Variants in MGAT4C observed in about 807,000 individuals in gnomAD.
The protein encoded by MGAT4C is MGAT4 family member C, also known as alpha-1,3-mannosyl-glycoprotein 4-beta-N-acetylglucosaminyltransferase C.
Under a neutral mutation model 40.1 loss-of-function variants are expected in MGAT4C, and 19 were observed. That is an observed-to-expected ratio of 0.47 (90% CI 0.33 to 0.70). The LOEUF (loss-of-function observed/expected upper bound fraction) is 0.70. Ranked by LOEUF, MGAT4C falls within the 30% of genes least tolerant of loss-of-function variation. The probability of loss-of-function intolerance (pLI) is 0.02; values close to 1 mark genes in which losing one functional copy is unlikely to be tolerated. For missense variants in MGAT4C, 491 were observed against 563.2 expected (o/e 0.87, Z 1.30); for synonymous variants, 181 against 187.1 (o/e 0.97, Z 0.27).
chr12:86,196,228 G>T (rs576869610), intron 1 of MGAT4C, among the ~76,000 whole-genome samples: 226 of 152,310 alleles, frequency 1.5e-3, no homozygotes, highest in Non-Finnish European at 2.5e-3. Context: ...GAGAGCTCTT[G>T]TCTCTTTACC....
chr12:86,827,508 A>C lies in MGAT4C; in HGVS notation c.-262+11158T>G, dbSNP rs937793416. Among the ~76,000 whole-genome samples, 3 of 151,464 alleles carry C rather than the reference A, an allele frequency of 2.0e-5. No individual in the cohort carries two copies. The Admixed American group carries it at 2.0e-4, about 10-fold the overall frequency. ...GAAAAAGTCATGAGTATACTTGTAG[A>C]TTTAGATGGAGTCGAAAATGTGACA... On this transcript the variant is annotated intron_variant, in intron 1 of 7. Coordinates refer to the MGAT4C transcript ENST00000548651.
At chr12:86,086,326 G>C (rs894972114) in intron 1 of MGAT4C, among the ~76,000 whole-genome samples, 2 of 152,024 alleles carry the variant, frequency 1.3e-5, no homozygotes, top group African/African-American at 4.8e-5. Flanking sequence ...AGTCATAAGG[G>C]AGTTGAACAG....
At chr12:85,996,100 T>C (rs545860435) in intron 2 of MGAT4C, among the ~76,000 whole-genome samples, 11 of 152,044 alleles carry the variant, frequency 7.2e-5, no homozygotes, top group Admixed American at 3.3e-4. Flanking sequence ...CCAGCAAAAA[T>C]TACCATTTAA....
intron 2 of MGAT4C, among the ~76,000 whole-genome samples, chr12:86,593,561 T>C (rs1481813246): frequency 6.6e-6 from 1 of 152,164 alleles, no homozygotes; most frequent in Non-Finnish European, 1.5e-5. Flanking sequence ...AATTTTGGTA[T>C]GATGTGACTT....
chr12:86,105,600 A>G (rs990123697), intron 1 of MGAT4C, among the ~76,000 whole-genome samples: 6 of 152,214 alleles, frequency 3.9e-5, no homozygotes, highest in African/African-American at 7.2e-5. Context: ...TACATATCAG[A>G]AAACGAATTC....
chr12:86,092,364 C>A (rs1245862498), intron 1 of MGAT4C, among the ~76,000 whole-genome samples: 1 of 151,932 alleles, frequency 6.6e-6, no homozygotes, highest in African/African-American at 2.4e-5. Flanking sequence ...TTCTATTTAT[C>A]CTAGTTATTT....
intron 2 of MGAT4C, among the ~76,000 whole-genome samples, chr12:86,468,945 T>C (rs901064624): frequency 6.6e-6 from 1 of 152,114 alleles, no homozygotes; most frequent in African/African-American, 2.4e-5. Context: ...TTCCCTCTAG[T>C]CTTTTTTGCT....
rs1365629787 is a variant in MGAT4C, at chr12:86,712,260, C to T, written c.-229+14949G>A. Among the ~76,000 whole-genome samples, 3 of 151,974 alleles carry T rather than the reference C, an allele frequency of 2.0e-5. No homozygotes were observed. In the East Asian group the frequency reaches 5.8e-4, roughly 29 times the overall value. On this transcript the variant is annotated intron_variant, in intron 2 of 7. Coordinates refer to the MGAT4C transcript ENST00000548651. ...CATACAGAATTTATGCTTCTTTACC[C>T]TGCAACAATAAAATACAACATTCCA...
rs1379975179 is a variant in MGAT4C at position 85,973,690 on chromosome 12, G to T, written c.*5599C>A. On this transcript the variant is annotated 3_prime_UTR_variant, in exon 5 of 5. Transcript: ENST00000611864. ...TTCTTAATTTAATTGTACTTCTATG[G>T]TCATATACAATTTACCTATCACTTT... 10 of 150,496 alleles carry T rather than the reference G, an allele frequency of 6.6e-5. No homozygotes were observed. The highest frequency in any genetic ancestry group is 1.2e-4 in the Non-Finnish European group (8 of 66,998). 9.3% of individuals were successfully genotyped at this position (150,496 alleles called of 1,614,324 possible).
At chr12:86,137,409 T>A in intron 1 of MGAT4C, among the ~76,000 whole-genome samples, 1 of 152,234 alleles carries the variant, frequency 6.6e-6, no homozygotes, top group East Asian at 1.9e-4. Flanking sequence ...GTCCTTCTAC[T>A]GACCTTACTG....
In MGAT4C at chr12:85,964,889, A is replaced by G. The variant is rs1883276283; in HGVS notation, c.*14400T>C. 6.6e-6 allele frequency: 1 copy of G among 152,012 alleles called. No homozygotes were observed. Among genetic ancestry groups the G allele is most frequent in the African/African-American group, 2.4e-5 (1 of 41,384 alleles). The allele number at this position is 152,012 out of a possible 1,614,324, so 9.4% of individuals were successfully genotyped here. ...TAATGTCTGAAAGTCCTATGATTAA[A>G]CTCACTTTTATGTAAGATAGTGAGG... On this transcript the variant is annotated 3_prime_UTR_variant, in exon 5 of 5. Transcript: ENST00000611864.
intron 3 of MGAT4C, among the ~76,000 whole-genome samples, chr12:86,411,922 C>G (rs1956614527): frequency 6.6e-6 from 1 of 152,146 alleles, no homozygotes. Context: ...TGCTCCAACT[C>G]TAGCCATGGC....
intron 2 of MGAT4C, among the ~76,000 whole-genome samples, chr12:86,628,004 AT>A (rs1238108848): frequency 1.3e-5 from 2 of 152,172 alleles, no homozygotes; most frequent in African/African-American, 4.8e-5. Flanking sequence ...TTGAAAAAAG[AT>A]TAGATGTATG....
chr12:86,698,577 T>C (rs1950300774), intron 2 of MGAT4C, among the ~76,000 whole-genome samples: 1 of 152,128 alleles, frequency 6.6e-6, no homozygotes, highest in African/African-American at 2.4e-5. Context: ...TATTAAACTT[T>C]ACTGGGACTT....
At chr12:86,441,029 G>A (rs1957217615) in intron 2 of MGAT4C, among the ~76,000 whole-genome samples, 1 of 152,052 alleles carries the variant, frequency 6.6e-6, no homozygotes, top group South Asian at 2.1e-4. Context: ...TCATGAAAAT[G>A]ATCATACTGC....
chr12:86,415,738 G>T (rs2136249963), intron 3 of MGAT4C, among the ~76,000 whole-genome samples: 1 of 152,086 alleles, frequency 6.6e-6, no homozygotes, highest in South Asian at 2.1e-4. Flanking sequence ...GGACTTCATA[G>T]GACTCTAAGA....
intron 1 of MGAT4C, among the ~76,000 whole-genome samples, chr12:86,738,561 T>G (rs540642136): frequency 3.0e-4 from 46 of 151,274 alleles, no homozygotes; most frequent in Non-Finnish European, 6.1e-4. Context: ...TGCCATTCAT[T>G]CAATTTTATA....
intron 1 of MGAT4C, among the ~76,000 whole-genome samples, chr12:86,774,353 C>CT (rs1565981803): frequency 5.5e-5 from 1 of 18,088 alleles, no homozygotes; most frequent in Admixed American, 5.4e-4. Flanking sequence ...CTCTCTCTCT[C>CT]CCCTCTCTCT....
chr12:86,586,206 T>C lies in MGAT4C; in HGVS notation c.-229+141003A>G, dbSNP rs1245592849. 1.1e-4 allele frequency among the ~76,000 whole-genome samples: 16 copies of C among 140,192 alleles called. 1 individual carries two copies. Among genetic ancestry groups the C allele is most frequent in the African/African-American group, 3.9e-4 (15 of 38,470 alleles). The allele number at this position is 140,192 out of a possible 152,430, so 92.0% of individuals were successfully genotyped here. Reference sequence around the variant, plus strand: ...ATGAGTGAGAATATGTGGTGTTTGGTTTTTTGTTCTTGCGATAGTTTACTG... The same window carrying C: ...ATGAGTGAGAATATGTGGTGTTTGGCTTTTTGTTCTTGCGATAGTTTACTG... On this transcript the variant is annotated intron_variant, in intron 2 of 7. Coordinates refer to the MGAT4C transcript ENST00000548651.
Sources: gnomAD v4.1 joint callset for allele counts (sites outside exome capture counted in the v4.1 genomes callset) on GRCh38, gnomAD v4.1.1 for gene constraint, MANE v1.5 for transcripts, NCBI Gene and HGNC (gene_info 2026-07-23, HGNC 2026-07-21) for gene names.